The following PRIM2 variants were observed in gnomAD, a reference collection of about 807,000 sequenced individuals.
The protein encoded by PRIM2 is DNA primase subunit 2.
A neutral mutation model predicts 67.3 loss-of-function variants in PRIM2; 39 were observed. That is an observed-to-expected ratio of 0.58 (90% CI 0.45 to 0.76). PRIM2 has a LOEUF of 0.76. Ranked by LOEUF, PRIM2 falls within the 30% of genes least tolerant of loss-of-function variation. The pLI is 0.00. For missense variants in PRIM2, 398 were observed against 598.7 expected, an observed-to-expected ratio of 0.66 and a Z score of 3.50; for synonymous variants, 143 against 198.7, an observed-to-expected ratio of 0.72 and a Z score of 2.36.
chr6:57,455,378 C>T (rs1425995536), intron 7 of PRIM2, among the ~76,000 whole-genome samples: 1 of 152,162 alleles, frequency 6.6e-6, no homozygotes, highest in Non-Finnish European at 1.5e-5. Context: ...CTAATGTTGA[C>T]AGTGGGGTGT....
intron 12 of PRIM2, among the ~76,000 whole-genome samples, chr6:57,627,178 G>A (rs1214552033): frequency 5.5e-5 from 8 of 144,264 alleles, no homozygotes; most frequent in Non-Finnish European, 1.0e-4. Context: ...CTGCTTGAGA[G>A]CTGAGGCAGG....
At chr6:57,589,531 A>G (rs1776249504) in intron 10 of PRIM2, among the ~76,000 whole-genome samples, 1 of 152,180 alleles carries the variant, frequency 6.6e-6, no homozygotes, top group Non-Finnish European at 1.5e-5. Context: ...AAATTTTTCT[A>G]CAGACAGTGT....
At chr6:57,240,097 T>TG in the PRIM2 span, among the ~76,000 whole-genome samples, 207 of 19,938 alleles carry the variant, frequency 0.01, 2 homozygotes, top group Middle Eastern at 0.067. Context: ...ATCTGTTTTT[T>TG]TTTTTTTTTT....
intron 7 of PRIM2, among the ~76,000 whole-genome samples, chr6:57,427,641 T>A (rs1771675625): frequency 6.6e-6 from 1 of 152,248 alleles, no homozygotes; most frequent in African/African-American, 2.4e-5. Flanking sequence ...ATTAACAGCA[T>A]CACATAGCAA....
chr6:57,380,686 C>T (rs1387690935), intron 6 of PRIM2, among the ~76,000 whole-genome samples: 1 of 151,780 alleles, frequency 6.6e-6, no homozygotes, highest in Non-Finnish European at 1.5e-5. Context: ...AAGTCCTGCC[C>T]CATTCCAGCT....
At position 57,332,898 on chromosome 6, in the gene PRIM2, G is replaced by T. The variant is rs183560390; in HGVS notation, c.459+6853G>T. Among the ~76,000 whole-genome samples, 95 of 152,032 alleles carry T rather than the reference G, an allele frequency of 6.2e-4. 3 individuals carry two copies. Among genetic ancestry groups the T allele is most frequent in the South Asian group, 4.4e-3 (21 of 4,822 alleles). ...ATTACTGATAACTTAGTATTTCCGT[G>T]TGCCATCTATGTGTTTCCTATGTCT... On this transcript the variant is annotated intron_variant, in intron 5 of 13. Coordinates refer to ENST00000615550, the MANE Select transcript of PRIM2 (RefSeq NM_000947.5).
At chr6:57,311,364 G>A (rs573162239), upstream of PRIM2, among the ~76,000 whole-genome samples, 38 of 136,516 alleles carry the variant, frequency 2.8e-4, no homozygotes, top group African/African-American at 3.6e-4. Flanking sequence ...ACGGGGCGGC[G>A]GGGCAGAGGC....
At chr6:57,592,905 T>C (rs1330059580) in intron 10 of PRIM2, among the ~76,000 whole-genome samples, 10 of 152,196 alleles carry the variant, frequency 6.6e-5, no homozygotes, top group Admixed American at 6.5e-4. Context: ...GAGATGTTTA[T>C]ACCATAGTGT....
At chr6:57,583,446 A>G (rs1284305883) in intron 10 of PRIM2, among the ~76,000 whole-genome samples, 2,382 of 150,186 alleles carry the variant, frequency 0.016, 18 homozygotes, top group African/African-American at 0.024. Context: ...TGTTCTTGCG[A>G]TAGTTTACTG....
intron 5 of PRIM2, among the ~76,000 whole-genome samples, chr6:57,375,781 T>G (rs7766976): frequency 4.6e-5 from 7 of 151,552 alleles, no homozygotes; most frequent in Non-Finnish European, 8.8e-5. Context: ...TTAAAAAAAA[T>G]TTTTTTTAGT....
chr6:57,504,978 T>A (rs1306144715), intron 7 of PRIM2, among the ~76,000 whole-genome samples: 1 of 152,234 alleles, frequency 6.6e-6, no homozygotes, highest in South Asian at 2.1e-4. Context: ...GTGTTGCAAG[T>A]GCTAGGGATG....
At chr6:57,613,754 G>A (rs1776705356) in intron 12 of PRIM2, among the ~76,000 whole-genome samples, 1 of 152,160 alleles carries the variant, frequency 6.6e-6, no homozygotes, top group Admixed American at 6.5e-5. Flanking sequence ...CACATGCAGT[G>A]GCTTGTGTTG....
chr6:57,278,494 A>G, the PRIM2 span, among the ~76,000 whole-genome samples: 15 of 152,336 alleles, frequency 9.8e-5, 1 homozygote, highest in South Asian at 2.9e-3. Context: ...TATTTTAAAT[A>G]ACACACTATT....
chr6:57,511,525 C>T (rs1372035139), intron 8 of PRIM2, among the ~76,000 whole-genome samples: 1 of 152,034 alleles, frequency 6.6e-6, no homozygotes, highest in Non-Finnish European at 1.5e-5. Flanking sequence ...GAACTGTCTC[C>T]CTCGTGGAAT....
At chr6:57,357,078 C>T (rs1219073755) in intron 5 of PRIM2, among the ~76,000 whole-genome samples, 5 of 151,974 alleles carry the variant, frequency 3.3e-5, no homozygotes, top group African/African-American at 9.7e-5. Context: ...GGACTACAGG[C>T]GCACACCACC....
chr6:57,508,840 T>C (rs1301656472), intron 8 of PRIM2, among the ~76,000 whole-genome samples: 1 of 152,212 alleles, frequency 6.6e-6, no homozygotes, highest in Non-Finnish European at 1.5e-5. Flanking sequence ...TTATTTGCTT[T>C]TACATACTTT....
At chr6:57,541,325 G>A (rs1405409414) in intron 10 of PRIM2, among the ~76,000 whole-genome samples, 1 of 152,106 alleles carries the variant, frequency 6.6e-6, no homozygotes, top group East Asian at 1.9e-4. Flanking sequence ...CTGACCTCAG[G>A]TGATCTTCCT....
In PRIM2 at chr6:57,474,173, C is replaced by CTTTTTTT. The variant is rs1158188964; in HGVS notation, c.694-33190_694-33184dup. On this transcript the variant is annotated intron_variant, in intron 7 of 13. Coordinates refer to ENST00000615550, the MANE Select transcript of PRIM2 (RefSeq NM_000947.5). ...TCTACTTTTTCTGCAATTCTGCTAT[C>CTTTTTTT]TTTTTTTTTTTTTTTTTTTTTTTTT... 1.1e-3 allele frequency among the ~76,000 whole-genome samples: 72 copies of CTTTTTTT among 63,972 alleles called. 11 individuals carry two copies. Among genetic ancestry groups the CTTTTTTT allele is most frequent in the Non-Finnish European group, 1.3e-3 (48 of 37,390 alleles). The allele number at this position is 63,972 out of a possible 152,430, so 42.0% of individuals were successfully genotyped here. A position where few individuals can be genotyped will look rare whatever the true frequency, so the allele number is the denominator to read the frequency against.
the PRIM2 span, among the ~76,000 whole-genome samples, chr6:57,293,663 G>C: frequency 6.6e-6 from 1 of 152,106 alleles, no homozygotes; most frequent in Non-Finnish European, 1.5e-5. Context: ...GCCATAAAAA[G>C]GGATGAGTTC....
Sources: gnomAD v4.1 joint callset for allele counts (sites outside exome capture counted in the v4.1 genomes callset) on GRCh38, gnomAD v4.1.1 for gene constraint, MANE v1.5 for transcripts, NCBI Gene and HGNC (gene_info 2026-07-23, HGNC 2026-07-21) for gene names.